The following KPNA4 variants were observed in gnomAD, a reference collection of about 807,000 sequenced individuals.
The protein encoded by KPNA4 is karyopherin subunit alpha 4.
KPNA4 carries 13 observed loss-of-function variants against 71.3 expected under a neutral mutation model. The ratio of observed to expected loss-of-function variants is 0.18; its 90% CI spans 0.12 to 0.29. The LOEUF (loss-of-function observed/expected upper bound fraction) is 0.29, where lower values mean the gene tolerates loss of function less well. Ranked by LOEUF, KPNA4 falls within the 10% of genes least tolerant of loss-of-function variation. The pLI, the probability that KPNA4 is intolerant of heterozygous loss-of-function variation, is 1.00. For synonymous variants in KPNA4, 189 were observed against 195.2 expected (o/e 0.97, Z 0.26); for missense variants, 334 against 603.2 (o/e 0.55, Z 4.67).
intron 15 of KPNA4, 95 bp from the exon 16 acceptor site, chr3:160,505,147 C>G (rs534560852): frequency 1.8e-6 from 1 of 544,936 alleles, no homozygotes; most frequent in East Asian, 3.7e-5. Context: ...ATTTCTGAAT[C>G]GCAAATTTTT....
intron 1 of KPNA4, among the ~76,000 whole-genome samples, chr3:160,546,383 A>AG (rs1344777813): frequency 6.6e-6 from 1 of 151,998 alleles, no homozygotes; most frequent in East Asian, 1.9e-4. Context: ...CTAGGTGTGG[A>AG]GGTGTATGCC....
At chr3:160,535,422 T>C (rs771118581) in intron 5 of KPNA4, 91 bp downstream of exon 5, 5 of 781,842 alleles carry the variant, frequency 6.4e-6, no homozygotes, top group African/African-American at 1.7e-5. Flanking sequence ...AAGTTAAATT[T>C]GATTAACAGG....
chr3:160,503,805 G>C (rs1030698569), intron 16 of KPNA4, among the ~76,000 whole-genome samples: 4 of 152,180 alleles, frequency 2.6e-5, no homozygotes, highest in Non-Finnish European at 5.9e-5. Context: ...ATGCCAGGCT[G>C]GGCGTGGTGG....
chr3:160,539,821 A>G (rs1429436298), intron 1 of KPNA4, among the ~76,000 whole-genome samples: 2 of 152,122 alleles, frequency 1.3e-5, no homozygotes, highest in African/African-American at 4.8e-5. Context: ...AAGTAGGAGG[A>G]TTAAGGTATA....
chr3:160,556,569 T>C (rs1319686958), intron 1 of KPNA4, among the ~76,000 whole-genome samples: 1 of 152,212 alleles, frequency 6.6e-6, no homozygotes, highest in African/African-American at 2.4e-5. Context: ...GTTTCAGATT[T>C]TGGATTTTTT....
intron 10 of KPNA4, among the ~76,000 whole-genome samples, chr3:160,523,587 C>T (rs1392194337): frequency 2.6e-5 from 4 of 152,108 alleles, no homozygotes; most frequent in South Asian, 2.1e-4. Context: ...TGGTGGCTCA[C>T]GCCTGCAATC....
At chr3:160,553,205 G>A (rs1722075485) in intron 1 of KPNA4, among the ~76,000 whole-genome samples, 1 of 152,044 alleles carries the variant, frequency 6.6e-6, no homozygotes, top group African/African-American at 2.4e-5. Context: ...CTCTTTCCGG[G>A]GGTGCTCCTG....
At position 160,519,401 on chromosome 3, in the gene KPNA4, T is replaced by C. The variant is rs189133175; in HGVS notation, c.903+2378A>G. Among the ~76,000 whole-genome samples, 5 of 152,158 alleles carry C rather than the reference T, an allele frequency of 3.3e-5. No individual in the cohort carries two copies. In the East Asian group the frequency reaches 9.7e-4, roughly 29 times the overall value. ...TTATCTGGATACTGATTTGGTAAAA[T>C]TGTGAAAAAATAATGAAGCAGTAAA... On this transcript the variant is annotated intron_variant, in intron 11 of 16. Coordinates refer to ENST00000334256, the MANE Select transcript of KPNA4 (RefSeq NM_002268.5).
rs1222147547 is a variant in KPNA4 at position 160,546,183 on chromosome 3, A to C, written c.70-9343T>G. 2.0e-5 allele frequency among the ~76,000 whole-genome samples: 3 copies of C among 152,344 alleles called. No homozygotes were observed. In the East Asian group the frequency reaches 5.8e-4, roughly 29 times the overall value. Reference sequence around the variant, plus strand: ...CCTGAGGCACCACAAAATAAGGGGTACAAGACTAAGAGAGAAATCAGTGAG... The same window carrying C: ...CCTGAGGCACCACAAAATAAGGGGTCCAAGACTAAGAGAGAAATCAGTGAG... On this transcript the variant is annotated intron_variant, in intron 1 of 16. Transcript: ENST00000334256.
chr3:160,510,152 T>C (rs1201728746), intron 13 of KPNA4, among the ~76,000 whole-genome samples: 1 of 152,072 alleles, frequency 6.6e-6, no homozygotes, highest in Non-Finnish European at 1.5e-5. Flanking sequence ...GAAATAAAAA[T>C]AGTAAAGAAA....
chr3:160,540,919 A>G (rs769400506), intron 1 of KPNA4, among the ~76,000 whole-genome samples: 23 of 152,354 alleles, frequency 1.5e-4, no homozygotes, highest in Admixed American at 6.5e-4. Context: ...TCAAACAGTT[A>G]TAAAATTATA....
At chr3:160,514,338 C>T (rs1452194198) in intron 12 of KPNA4, among the ~76,000 whole-genome samples, 157 bp from the exon 13 acceptor site, 1 of 152,170 alleles carries the variant, frequency 6.6e-6, no homozygotes, top group Non-Finnish European at 1.5e-5. Flanking sequence ...CACCCCTTTC[C>T]ATATTTTCTT....
chr3:160,548,970 ATAG>A (rs778824388), intron 1 of KPNA4, among the ~76,000 whole-genome samples: 1 of 152,110 alleles, frequency 6.6e-6, no homozygotes, highest in Non-Finnish European at 1.5e-5. Flanking sequence ...TGTTGTTTTG[ATAG>A]TAGTCATCTT....
chr3:160,536,130 A>G (rs974454263), intron 2 of KPNA4, among the ~76,000 whole-genome samples: 1 of 152,116 alleles, frequency 6.6e-6, no homozygotes, highest in Non-Finnish European at 1.5e-5. Context: ...TGAACCGTGA[A>G]CTATGTAAAA....
Position 160,502,209 on chromosome 3 carries a change from G to GAA in KPNA4, c.1468-9_1468-8dup. The GAA allele has an allele frequency of 7.0e-7, 1 of 1,419,792 alleles. No homozygotes were observed. The allele number at this position is 1,419,792 out of a possible 1,614,324, so 87.9% of individuals were successfully genotyped here. ...GGCTAGGGTCTTCATCAATCTAGGT[G>GAA]AAAAAAAAGAAAAAGAATGTGATAA... On this transcript the variant is annotated splice_region_variant and splice_polypyrimidine_tract_variant and intron_variant, in intron 16 of 16. Transcript: ENST00000334256.
chr3:160,540,365 G>C (rs1306252540), intron 1 of KPNA4, among the ~76,000 whole-genome samples: 2 of 152,032 alleles, frequency 1.3e-5, no homozygotes, highest in African/African-American at 4.8e-5. Context: ...TTGATAATTT[G>C]AAACTACTAA....
chr3:160,542,701 G>A (rs1721823008), intron 1 of KPNA4, among the ~76,000 whole-genome samples: 1 of 152,104 alleles, frequency 6.6e-6, no homozygotes, highest in Non-Finnish European at 1.5e-5. Context: ...GTCTTCTCAA[G>A]CAGAATCAAG....
At chr3:160,524,651 A>G (rs1390922421) in intron 10 of KPNA4, among the ~76,000 whole-genome samples, 2 of 152,148 alleles carry the variant, frequency 1.3e-5, no homozygotes, top group African/African-American at 4.8e-5. Flanking sequence ...GCCTCTTGTA[A>G]ATCTTTCAAA....
At position 160,535,189 on chromosome 3, in the gene KPNA4, G is replaced by A. The variant is rs141741341; in HGVS notation, c.287+324C>T. On this transcript the variant is annotated intron_variant, in intron 5 of 16. Transcript: ENST00000334256. ...AATTAAACCTATTCATTAGTAAAAG[G>A]TAAAGCTTTACAAATAATGTTTTTC... is the stretch of plus-strand genomic sequence containing the variant. 6.2e-3 allele frequency among the ~76,000 whole-genome samples: 949 copies of A among 152,216 alleles called. 9 individuals carry two copies. The highest frequency in any genetic ancestry group is 0.016 in the Admixed American group (241 of 15,288).
Sources: allele counts gnomAD v4.1 joint callset (sites outside exome capture counted in the v4.1 genomes callset), GRCh38; gene constraint gnomAD v4.1.1; transcripts MANE v1.5; gene names NCBI Gene and HGNC (gene_info 2026-07-23, HGNC 2026-07-21).